ZNF385D: variants seen among roughly 807,000 people sequenced by gnomAD.
ZNF385D encodes the protein zinc finger protein 385D.
A neutral mutation model predicts 35.8 loss-of-function variants in ZNF385D; 15 were observed. The observed-to-expected ratio is 0.42, with a 90% CI of 0.28 to 0.64. The LOEUF (loss-of-function observed/expected upper bound fraction) is 0.64, where lower values mean the gene tolerates loss of function less well. ZNF385D is among the 30% of genes least tolerant of loss of function. The pLI is 0.23. For missense variants in ZNF385D, 474 were observed against 494.6 expected (o/e 0.96, Z 0.39); for synonymous variants, 212 against 186.8 (o/e 1.13, Z -1.10).
intron 2 of ZNF385D, among the ~76,000 whole-genome samples, chr3:22,250,099 T>G (rs1270217589): frequency 6.6e-6 from 1 of 152,160 alleles, no homozygotes; most frequent in East Asian, 1.9e-4. Flanking sequence ...ATTTGTAATT[T>G]GGAAGAGAAA....
intron 4 of ZNF385D, among the ~76,000 whole-genome samples, chr3:21,439,492 C>T (rs17008734): frequency 0.026 from 3,897 of 151,940 alleles, 95 homozygotes; most frequent in South Asian, 0.075. Context: ...CAGCGTGACA[C>T]TGTGGGTATT....
intron 3 of ZNF385D, among the ~76,000 whole-genome samples, chr3:21,857,133 G>C (rs538118306): frequency 8.6e-5 from 13 of 151,908 alleles, no homozygotes; most frequent in Non-Finnish European, 1.8e-4. Context: ...CAACTCTCCC[G>C]ATCCTCTTGG....
chr3:21,608,023 G>GTTTTTTTTTGTTTTTTT (rs1553622610), intron 2 of ZNF385D, among the ~76,000 whole-genome samples: 1 of 120,220 alleles, frequency 8.3e-6, no homozygotes, highest in African/African-American at 3.2e-5. Context: ...TTTTTTTTTT[G>GTTTTTTTTTGTTTTTTT]TTTTTTTTTT....
At chr3:21,620,995 T>C (rs1367975733) in intron 2 of ZNF385D, among the ~76,000 whole-genome samples, 4 of 150,846 alleles carry the variant, frequency 2.7e-5, no homozygotes, top group South Asian at 2.2e-4. Flanking sequence ...CATGTGTGTG[T>C]GCGCACACAC....
At chr3:22,263,837 C>T (rs183534580) in intron 2 of ZNF385D, among the ~76,000 whole-genome samples, 46 of 151,992 alleles carry the variant, frequency 3.0e-4, no homozygotes. Flanking sequence ...TACTAGGTTG[C>T]TGCCAAATGC....
intron 2 of ZNF385D, among the ~76,000 whole-genome samples, chr3:22,255,758 CTT>C (rs1700282878): frequency 6.7e-6 from 1 of 148,762 alleles, no homozygotes; most frequent in East Asian, 2.0e-4. Flanking sequence ...TATTTATTCT[CTT>C]GAGAGTTTAA....
At chr3:21,462,558 A>T (rs113420104) in intron 4 of ZNF385D, among the ~76,000 whole-genome samples, 39 of 152,374 alleles carry the variant, frequency 2.6e-4, no homozygotes, top group African/African-American at 8.4e-4. Flanking sequence ...AGCAACTTTA[A>T]GGAGGCTACA....
intron 1 of ZNF385D, among the ~76,000 whole-genome samples, chr3:21,670,647 GGCGCCCCCCCCC>G (rs1194388919): frequency 0.069 from 1,073 of 15,538 alleles, 107 homozygotes; most frequent in South Asian, 0.15. Context: ...GAAATCCTAA[GGCGCCCCCCCCC>G]CCCCCCCCCC....
chr3:22,316,475 G>A (rs1328489508), intron 2 of ZNF385D, among the ~76,000 whole-genome samples: 1 of 152,102 alleles, frequency 6.6e-6, no homozygotes, highest in Non-Finnish European at 1.5e-5. Context: ...AAATAAAACA[G>A]TTGAGACAAA....
intron 3 of ZNF385D, among the ~76,000 whole-genome samples, chr3:22,050,390 ACC>A (rs1699278519): frequency 6.6e-6 from 1 of 152,106 alleles, no homozygotes; most frequent in African/African-American, 2.4e-5. Context: ...AAACAAAAAA[ACC>A]ACCACCACAA....
chr3:22,336,926 A>AAAAAAAAAC (rs1695192832), intron 2 of ZNF385D, among the ~76,000 whole-genome samples: 1 of 146,416 alleles, frequency 6.8e-6, no homozygotes, highest in African/African-American at 2.5e-5. Flanking sequence ...AAAAAAAAAA[A>AAAAAAAAAC]AAAAAAAAAA....
intron 2 of ZNF385D, among the ~76,000 whole-genome samples, chr3:22,308,593 G>T: frequency 6.6e-6 from 1 of 151,998 alleles, no homozygotes; most frequent in Middle Eastern, 3.4e-3. Context: ...GCTCAGAAAG[G>T]GTAGACACAC....
intron 2 of ZNF385D, among the ~76,000 whole-genome samples, chr3:22,369,251 A>C (rs1176379457): frequency 1.3e-5 from 2 of 152,188 alleles, no homozygotes. Context: ...ATCACCAAAT[A>C]ATATCAAATA....
chr3:22,049,223 GA>G, intron 3 of ZNF385D, among the ~76,000 whole-genome samples: 1 of 151,796 alleles, frequency 6.6e-6, no homozygotes, highest in Admixed American at 6.6e-5. Flanking sequence ...TTGAACCTGG[GA>G]GGCAGAGGTT....
At chr3:22,014,302 G>T (rs921833169) in intron 3 of ZNF385D, among the ~76,000 whole-genome samples, 1 of 152,064 alleles carries the variant, frequency 6.6e-6, no homozygotes, top group African/African-American at 2.4e-5. Context: ...GGAAGTTTAA[G>T]GCAAAGGAAG....
chr3:22,296,745 C>T (rs1448802090), intron 2 of ZNF385D, among the ~76,000 whole-genome samples: 1 of 152,100 alleles, frequency 6.6e-6, no homozygotes, highest in African/African-American at 2.4e-5. Flanking sequence ...CATGTGGCCT[C>T]TCCCTAAGGT....
chr3:22,082,532 T>A (rs1486673892), intron 3 of ZNF385D, among the ~76,000 whole-genome samples: 1 of 151,882 alleles, frequency 6.6e-6, no homozygotes, highest in Non-Finnish European at 1.5e-5. Flanking sequence ...CTTGAGTAGG[T>A]AAACAAAGTG....
intron 3 of ZNF385D, chr3:21,878,040 A>T (rs1698074697): frequency 6.6e-6 from 1 of 152,036 alleles, no homozygotes; most frequent in African/African-American, 2.4e-5. Flanking sequence ...TAAGATGCTG[A>T]TCTTTTCCCA....
At chr3:21,800,906 C>T (rs2072369451) in intron 3 of ZNF385D, among the ~76,000 whole-genome samples, 1 of 152,112 alleles carries the variant, frequency 6.6e-6, no homozygotes, top group Non-Finnish European at 1.5e-5. Context: ...CCAGTAGCAG[C>T]AACCTTTTTG....
Sources: allele counts gnomAD v4.1 joint callset (sites outside exome capture counted in the v4.1 genomes callset), GRCh38; gene constraint gnomAD v4.1.1; transcripts MANE v1.5; gene names NCBI Gene and HGNC (gene_info 2026-07-23, HGNC 2026-07-21).